SMC3: variants seen among roughly 807,000 people sequenced by gnomAD.
SMC3 encodes the protein structural maintenance of chromosomes 3.
A neutral mutation model predicts 171.8 loss-of-function variants in SMC3; 20 were observed. The ratio of observed to expected loss-of-function variants is 0.12; its 90% confidence interval spans 0.08 to 0.17. The LOEUF is 0.17. SMC3 is among the 10% of genes least tolerant of loss of function. SMC3 has a pLI of 1.00. For synonymous variants in SMC3, 464 were observed against 451.1 expected, an observed-to-expected ratio of 1.03 and a Z score of -0.36; for missense variants, 543 against 1,420.4, an observed-to-expected ratio of 0.38 and a Z score of 9.93.
chr10:110,585,778 A>G (rs1452289253), intron 13 of SMC3, among the ~76,000 whole-genome samples: 1 of 151,518 alleles, frequency 6.6e-6, no homozygotes, highest in Non-Finnish European at 1.5e-5. Flanking sequence ...TTAATTGTAT[A>G]TTATATATAA....
Position 110,590,003 on chromosome 10 carries a change from C to T in SMC3, c.1509+12C>T. ...CAGCAACAGGAAAGGTGGGCAGGTT[C>T]TTTTCATCACCTCTGTTTACACTGA... is the stretch of plus-strand genomic sequence containing the variant. On this transcript the variant is annotated intron_variant, in intron 15 of 28. Coordinates refer to ENST00000361804, the MANE Select transcript of SMC3 (RefSeq NM_005445.4). The T allele has an allele frequency of 6.2e-7, 1 of 1,604,528 alleles. No individual in the cohort carries two copies. Among genetic ancestry groups the T allele is most frequent in the Non-Finnish European group, 8.5e-7 (1 of 1,171,596 alleles).
chr10:110,598,006 T>G (rs1395773755), intron 19 of SMC3, 133 bp from the exon 20 acceptor site: 2 of 776,860 alleles, frequency 2.6e-6, no homozygotes, highest in African/African-American at 3.5e-5. Flanking sequence ...ATTGTTTTGG[T>G]CCATAAATTT....
chr10:110,586,907 T>A (rs1861127066), intron 13 of SMC3, among the ~76,000 whole-genome samples: 1 of 152,194 alleles, frequency 6.6e-6, no homozygotes, highest in African/African-American at 2.4e-5. Flanking sequence ...TCCGCCCACC[T>A]GAGCCTCCCA....
At chr10:110,594,988 CTCTT>C (rs577853651) in intron 18 of SMC3, among the ~76,000 whole-genome samples, 3 of 146,008 alleles carry the variant, frequency 2.1e-5, no homozygotes, top group East Asian at 2.0e-4. Context: ...ATAGTGTCTT[CTCTT>C]TATTTTTTTT....
intron 2 of SMC3, among the ~76,000 whole-genome samples, chr10:110,571,155 A>G (rs1461633916): frequency 6.6e-6 from 1 of 152,222 alleles, no homozygotes; most frequent in African/African-American, 2.4e-5. Flanking sequence ...AGAGATAACC[A>G]TTCTTTGTTT....
chr10:110,584,040 ATAG>A, intron 12 of SMC3, 78 bp downstream of exon 12: 1 of 1,558,486 alleles, frequency 6.4e-7, no homozygotes, highest in Non-Finnish European at 8.8e-7. Context: ...GCTCAATTAT[ATAG>A]TAGCTGCTTT....
At chr10:110,599,485 A>G (rs755134341) in intron 20 of SMC3, among the ~76,000 whole-genome samples, 169 bp from the exon 21 acceptor site, 26 of 152,156 alleles carry the variant, frequency 1.7e-4, no homozygotes, top group Non-Finnish European at 2.4e-4. Context: ...ATACTATTAC[A>G]TCATATTTTT....
At chr10:110,570,195 C>T (rs1860848862) in intron 2 of SMC3, among the ~76,000 whole-genome samples, 1 of 152,172 alleles carries the variant, frequency 6.6e-6, no homozygotes. Flanking sequence ...CCATAATCAT[C>T]TTCCAGGGGT....
At chr10:110,588,831 T>C (rs1169626530) in intron 13 of SMC3, among the ~76,000 whole-genome samples, 2 of 152,234 alleles carry the variant, frequency 1.3e-5, no homozygotes, top group Non-Finnish European at 2.9e-5. Flanking sequence ...CCAAGATTTT[T>C]AACTCATTTT....
chr10:110,603,130 A>C, intron 27 of SMC3, 54 bp from the exon 28 acceptor site: 1 of 1,546,126 alleles, frequency 6.5e-7, no homozygotes, highest in Non-Finnish European at 8.9e-7. Context: ...TTGCTTTTTA[A>C]ATTTTCAGAT....
At position 110,604,441 on chromosome 10, in the gene SMC3, G is replaced by A; in HGVS notation, c.*139G>A. 3.1e-6 allele frequency: 2 copies of A among 647,458 alleles called. No homozygotes were observed. Among genetic ancestry groups the A allele is most frequent in the Non-Finnish European group, 2.8e-6 (1 of 360,888 alleles). The allele number at this position is 647,458 out of a possible 1,614,324, so 40.1% of individuals were successfully genotyped here. A position where few individuals can be genotyped will look rare whatever the true frequency, so the allele number is the denominator to read the frequency against. ...TCATAGTCCTTTTATATTTGTCTTT[G>A]TATTTTATAAGATACTCTGTAATGT... is the stretch of plus-strand genomic sequence containing the variant. On this transcript the variant is annotated 3_prime_UTR_variant, in exon 29 of 29. Transcript: ENST00000361804.
At chr10:110,599,516 T>A in intron 20 of SMC3, 138 bp from the exon 21 acceptor site, 1 of 699,490 alleles carries the variant, frequency 1.4e-6, no homozygotes, top group Non-Finnish European at 2.3e-6. Flanking sequence ...GAGTCCTAAT[T>A]ACCAAATTAA....
At chr10:110,571,327 C>T (rs1860868292) in intron 2 of SMC3, among the ~76,000 whole-genome samples, 2 of 152,140 alleles carry the variant, frequency 1.3e-5, no homozygotes, top group Admixed American at 6.5e-5. Flanking sequence ...AAAAGCTGGT[C>T]ATAGATTTCT....
rs547656094 is a variant in SMC3 at position 110,572,174 on chromosome 10, T to C, written c.92-1533T>C. On this transcript the variant is annotated intron_variant, in intron 2 of 28. Transcript: ENST00000361804. The stretch of plus-strand genomic sequence containing the variant: ...CCCACTTGCTGTATCATTTCCACTT[T>C]TTACACACCTTTTTCCTTAAAGTTA... 3.3e-5 allele frequency among the ~76,000 whole-genome samples: 5 copies of C among 152,352 alleles called. No individual in the cohort carries two copies. The South Asian group carries it at 1.0e-3, about 32-fold the overall frequency.
At chr10:110,597,673 G>A (rs1455378613) in intron 19 of SMC3, among the ~76,000 whole-genome samples, 1 of 152,216 alleles carries the variant, frequency 6.6e-6, no homozygotes, top group Non-Finnish European at 1.5e-5. Context: ...AGGAAAAGGA[G>A]GATGTTGACA....
chr10:110,585,335 T>C (rs1861094931), intron 13 of SMC3, among the ~76,000 whole-genome samples: 1 of 148,094 alleles, frequency 6.8e-6, no homozygotes, highest in African/African-American at 2.5e-5. Context: ...TGTCACCCAG[T>C]CTGGAGTGCA....
chr10:110,573,611 T>A, intron 2 of SMC3, 96 bp from the exon 3 acceptor site: 2 of 822,866 alleles, frequency 2.4e-6, no homozygotes, highest in Middle Eastern at 3.5e-4. Context: ...ATTAGAAAAT[T>A]GGATTTTAAA....
Position 110,583,530 on chromosome 10 carries a change from A to T in SMC3, c.951A>T (p.Ala317=). 3.1e-6 allele frequency: 5 copies of T among 1,614,132 alleles called. No individual in the cohort carries two copies. Among genetic ancestry groups the T allele is most frequent in the Non-Finnish European group, 3.4e-6 (4 of 1,179,994 alleles). The change falls in exon 11 of 29, where the codon GCA becomes GCT. Residue 317 remains alanine, a synonymous_variant. Coordinates refer to ENST00000361804, the MANE Select transcript of SMC3 (RefSeq NM_005445.4). The stretch of plus-strand genomic sequence containing the variant: ...CCAAGGATTTACAAGATGAACTAGC[A>T]GGCAATAGTGAACAAAGGGTAAGTT... The part of the protein sequence containing the change: ...LKAKDLQDEL[A]GNSEQRKRLL...
chr10:110,599,447 A>C (rs1028585397), intron 20 of SMC3, among the ~76,000 whole-genome samples: 15 of 149,640 alleles, frequency 1.0e-4, no homozygotes, highest in African/African-American at 3.6e-4. Context: ...TAATCATGGA[A>C]TATGATCTGC....
Sources: allele counts gnomAD v4.1 joint callset (sites outside exome capture counted in the v4.1 genomes callset), GRCh38; gene constraint gnomAD v4.1.1; transcripts MANE v1.5; gene names NCBI Gene and HGNC (gene_info 2026-07-23, HGNC 2026-07-21).